Variants in RGS3 observed in about 807,000 individuals in gnomAD.
RGS3 encodes the protein regulator of G protein signaling 3, also known as regulator of G-protein signalling 3.
RGS3 carries 80 observed loss-of-function variants against 132.6 expected under a neutral mutation model. That is an observed-to-expected ratio of 0.60 (90% confidence interval 0.50 to 0.73). RGS3 has a LOEUF of 0.73. Among genes scored for constraint, RGS3 ranks in the 30% least tolerant of loss-of-function variants. The pLI is 0.00. For missense variants in RGS3, 1,382 were observed against 1,530.8 expected (o/e 0.90, Z 1.62); for synonymous variants, 598 against 620.6 (o/e 0.96, Z 0.54).
At chr9:113,548,246 G>A (rs944234242) in intron 19 of RGS3, among the ~76,000 whole-genome samples, 1 of 152,188 alleles carries the variant, frequency 6.6e-6, no homozygotes, top group South Asian at 2.1e-4. Flanking sequence ...CTGGGGGCAG[G>A]AAAGGGGTCA....
chr9:113,578,649 G>A (rs1205094336), intron 19 of RGS3, among the ~76,000 whole-genome samples: 2 of 152,170 alleles, frequency 1.3e-5, no homozygotes, highest in Admixed American at 1.3e-4. Flanking sequence ...CGCTGAGCCA[G>A]GAGAGCTAAG....
chr9:113,549,506 T>A (rs1833245004), intron 19 of RGS3, among the ~76,000 whole-genome samples: 1 of 152,180 alleles, frequency 6.6e-6, no homozygotes, highest in Non-Finnish European at 1.5e-5. Flanking sequence ...GTAATCCATG[T>A]GATTGATGTT....
intron 14 of RGS3, among the ~76,000 whole-genome samples, chr9:113,514,039 A>T (rs1831527042): frequency 6.6e-6 from 1 of 152,210 alleles, no homozygotes; most frequent in Non-Finnish European, 1.5e-5. Flanking sequence ...ACTCTGCTCC[A>T]ACTGATTGTT....
At chr9:113,582,236 A>G (rs1375486960) in intron 19 of RGS3, 14 of 983,816 alleles carry the variant, frequency 1.4e-5, no homozygotes, top group Non-Finnish European at 1.7e-5. Flanking sequence ...CAGCTGTACA[A>G]TAGTGGGTAA....
At chr9:113,450,275 A>G (rs897759713) in intron 1 of RGS3, among the ~76,000 whole-genome samples, 5 of 150,096 alleles carry the variant, frequency 3.3e-5, no homozygotes, top group African/African-American at 1.2e-4. Flanking sequence ...GTTTCACCGT[A>G]TTAGCCAGAA....
intron 19 of RGS3, among the ~76,000 whole-genome samples, chr9:113,569,765 A>G (rs1834201271): frequency 1.3e-5 from 2 of 152,164 alleles, no homozygotes. Context: ...ATGGACAGTA[A>G]CAACACAGCT....
In RGS3 at chr9:113,507,237, T is replaced by TA; in HGVS notation, c.1086-49dup. The TA allele has an allele frequency of 1.3e-6, 2 of 1,483,458 alleles. No homozygotes were observed. The highest frequency in any genetic ancestry group is 1.8e-6 in the Non-Finnish European group (2 of 1,087,982). The allele number at this position is 1,483,458 out of a possible 1,614,324, so 91.9% of individuals were successfully genotyped here. On this transcript the variant is annotated intron_variant, in intron 12 of 24. Coordinates refer to ENST00000350696, the Ensembl canonical transcript of RGS3. The surrounding 1 kb of genome is among the most constrained non-coding windows in gnomAD (Gnocchi z 5.0). ...CCCTGTGGGCCCTCACTCTGGCTGA[T>TA]ACTGGCTTTCCCCAGGCTCAACCTG...
chr9:113,502,460 G>GC (rs925235771), intron 10 of RGS3, among the ~76,000 whole-genome samples: 1 of 152,166 alleles, frequency 6.6e-6, no homozygotes, highest in African/African-American at 2.4e-5. Flanking sequence ...AGGGGTCCCT[G>GC]CCCCCCCACC....
intron 14 of RGS3, 113 bp downstream of exon 12, chr9:113,508,693 T>A: frequency 1.0e-6 from 1 of 1,001,424 alleles, no homozygotes; most frequent in Non-Finnish European, 1.6e-6. Context: ...TGGAGTCAGG[T>A]CACTTAGCCT....
intron 18 of RGS3, among the ~76,000 whole-genome samples, chr9:113,534,058 G>A (rs1416879337): frequency 6.6e-6 from 1 of 152,220 alleles, no homozygotes; most frequent in Non-Finnish European, 1.5e-5. Context: ...GAGAGGAATG[G>A]CTGGCACTCA....
intron 8 of RGS3, 113 bp downstream of exon 6, chr9:113,495,959 A>T (rs927914764): frequency 5.3e-6 from 5 of 935,002 alleles, no homozygotes; most frequent in South Asian, 3.9e-5. Context: ...ATGGTGCCCC[A>T]CTGAGACAGG....
rs1006935716 is a variant in RGS3, at chr9:113,506,384, G to A, written c.980-4G>A. ...CCCTGAATGGCTTTTCTTTGTCCCTGCAGGGGGTCCGGCGGAACGGGCAGG... is the reference window on the plus strand; with the variant it reads ...CCCTGAATGGCTTTTCTTTGTCCCTACAGGGGGTCCGGCGGAACGGGCAGG... On this transcript the variant is annotated splice_polypyrimidine_tract_variant and splice_region_variant and intron_variant, in intron 11 of 24. Coordinates refer to ENST00000350696, the Ensembl canonical transcript of RGS3. The surrounding 1 kb of genome is among the most constrained non-coding windows in gnomAD (Gnocchi z 4.7). The A allele has an allele frequency of 4.4e-6, 7 of 1,577,256 alleles. No homozygotes were observed. Among genetic ancestry groups the A allele is most frequent in the Admixed American group, 1.9e-5 (1 of 53,076 alleles).
intron 14 of RGS3, among the ~76,000 whole-genome samples, chr9:113,509,661 G>A (rs1260796885): frequency 6.6e-6 from 1 of 152,112 alleles, no homozygotes; most frequent in African/African-American, 2.4e-5. Flanking sequence ...TGTCTGGACC[G>A]CCTTCCTTGA....
chr9:113,497,477 G>T, intron 9 of RGS3, 73 bp downstream of exon 7: 1 of 1,279,552 alleles, frequency 7.8e-7, no homozygotes, highest in South Asian at 1.3e-5. Flanking sequence ...AGCGGCATCA[G>T]TACTGGTATT....
At position 113,468,764 on chromosome 9, in the gene RGS3, G is replaced by A. The variant is rs549028759; in HGVS notation, c.415+6563G>A. Among the ~76,000 whole-genome samples the A allele has an allele frequency of 3.9e-5, 6 of 152,306 alleles. 1 individual carries two copies. In the South Asian group the frequency reaches 1.2e-3, roughly 32 times the overall value. On this transcript the variant is annotated intron_variant, in intron 3 of 24. Transcript: ENST00000350696. The stretch of plus-strand genomic sequence containing the variant: ...GGATATGGTGAGTGGTCAGGAGAGA[G>A]AACAGGTTGCCTTTTCTGCAGGGTA...
chr9:113,593,957 G>A, intron 21 of RGS3: 1 of 1,612,850 alleles, frequency 6.2e-7, no homozygotes, highest in Non-Finnish European at 8.5e-7. Context: ...AGCTGGGACT[G>A]GCTTCCTGCC....
Position 113,565,441 on chromosome 9 carries a change from G to A in RGS3, c.2038-18009G>A. The A allele has an allele frequency of 5.7e-6, 7 of 1,222,346 alleles. No individual in the cohort carries two copies. The highest frequency in any genetic ancestry group is 7.5e-6 in the Non-Finnish European group (7 of 928,520). 75.7% of individuals were successfully genotyped at this position (1,222,346 alleles called of 1,614,324 possible). On this transcript the variant is annotated intron_variant, in intron 19 of 24. Transcript: ENST00000350696. The surrounding 1 kb of genome is among the most constrained non-coding windows in gnomAD (Gnocchi z 5.7). ...GGAGGAGGAAGAGGAGGAGGGACGG[G>A]TGATGCAAGGGTTTTGAAAGCGCTA...
chr9:113,561,455 C>T (rs12344334), intron 19 of RGS3, among the ~76,000 whole-genome samples: 18,058 of 151,694 alleles, frequency 0.12, 1,288 homozygotes, highest in African/African-American at 0.19. Context: ...TGTCACCCAG[C>T]TGGGAGTGCA....
At chr9:113,501,640 T>C (rs1830899229) in intron 10 of RGS3, 4 of 1,559,332 alleles carry the variant, frequency 2.6e-6, no homozygotes, top group Non-Finnish European at 3.5e-6. Flanking sequence ...GGTGGGTGCT[T>C]GGCCTCTTGT....
Sources: gnomAD v4.1 joint callset for allele counts (sites outside exome capture counted in the v4.1 genomes callset) on GRCh38, gnomAD v4.1.1 for gene constraint, Gnocchi (gnomAD v3.1) non-coding constraint, MANE v1.5 for transcripts, NCBI Gene and HGNC (gene_info 2026-07-23, HGNC 2026-07-21) for gene names.